Variants in TJP1 observed in about 807,000 individuals in gnomAD.
The protein encoded by TJP1 is tight junction protein ZO-1.
A neutral mutation model predicts 194.2 loss-of-function variants in TJP1; 43 were observed. The ratio of observed to expected loss-of-function variants is 0.22; its 90% CI spans 0.17 to 0.29. The LOEUF (loss-of-function observed/expected upper bound fraction) is 0.29. TJP1 is among the 10% of genes least tolerant of loss of function. The probability of loss-of-function intolerance (pLI) is 1.00; values close to 1 mark genes in which losing one functional copy is unlikely to be tolerated. For missense variants in TJP1, 1,971 were observed against 2,185.7 expected, an observed-to-expected ratio of 0.90 and a Z score of 1.96; for synonymous variants, 801 against 779.0, an observed-to-expected ratio of 1.03 and a Z score of -0.47.
chr15:29,881,400 C>T (rs2052923685), intron 2 of TJP1, among the ~76,000 whole-genome samples: 1 of 152,174 alleles, frequency 6.6e-6, no homozygotes, highest in African/African-American at 2.4e-5. Context: ...TGTAGGCTGC[C>T]TTTTCACACT....
At chr15:29,731,755 G>C (rs1233741692) in intron 15 of TJP1, among the ~76,000 whole-genome samples, 1 of 151,364 alleles carries the variant, frequency 6.6e-6, no homozygotes, top group Non-Finnish European at 1.5e-5. Flanking sequence ...GAAATACCAT[G>C]ATTGTTTATG....
At chr15:29,885,373 A>G (rs892074713) in intron 2 of TJP1, among the ~76,000 whole-genome samples, 2 of 152,202 alleles carry the variant, frequency 1.3e-5, no homozygotes, top group African/African-American at 4.8e-5. Context: ...ACATGGAGAT[A>G]GTATCTGGGA....
chr15:29,893,947 C>T (rs1261684528), intron 2 of TJP1, among the ~76,000 whole-genome samples: 2 of 152,146 alleles, frequency 1.3e-5, no homozygotes, highest in African/African-American at 4.8e-5. Context: ...CTCTTTGCTG[C>T]CCTGTGTTTT....
At chr15:29,772,197 T>TA (rs1298886784) in intron 3 of TJP1, 31 bp from the exon 4 acceptor site, 3 of 1,353,966 alleles carry the variant, frequency 2.2e-6, no homozygotes, top group Non-Finnish European at 3.1e-6. Flanking sequence ...AATAATATGT[T>TA]AGAGAAAAAC....
chr15:29,922,393 G>T (rs1487346862), intron 2 of TJP1, among the ~76,000 whole-genome samples: 1 of 137,008 alleles, frequency 7.3e-6, no homozygotes, highest in East Asian at 2.5e-4. Context: ...TAATGCAAAG[G>T]TCAGCTAAAG....
intron 17 of TJP1, 49 bp downstream of exon 17, chr15:29,726,732 G>A: frequency 6.4e-7 from 1 of 1,563,136 alleles, no homozygotes; most frequent in Non-Finnish European, 8.8e-7. Flanking sequence ...CCTACTTAAT[G>A]TTGCCCAGAC....
intron 20 of TJP1, 74 bp downstream of exon 20, chr15:29,719,703 A>C (rs1212315112): frequency 6.4e-7 from 1 of 1,552,336 alleles, no homozygotes; most frequent in East Asian, 2.3e-5. Flanking sequence ...GAACACTTAA[A>C]GGGCAAAGCA....
intron 2 of TJP1, among the ~76,000 whole-genome samples, chr15:29,927,524 A>G (rs549043944): frequency 6.6e-6 from 1 of 152,282 alleles, no homozygotes; most frequent in African/African-American, 2.4e-5. Context: ...ATACTGGAGG[A>G]ATTTAGATTC....
intron 10 of TJP1, among the ~76,000 whole-genome samples, chr15:29,740,328 A>G (rs1044537893): frequency 2.0e-5 from 3 of 152,116 alleles, no homozygotes; most frequent in Non-Finnish European, 4.4e-5. Context: ...ACCAGTGCCA[A>G]TAAAAAACTA....
In TJP1 at chr15:29,729,754, A is replaced by C. The variant is rs1029811471; in HGVS notation, c.2018-1735T>G. On this transcript the variant is annotated intron_variant, in intron 15 of 27. Transcript: ENST00000614355. Reference sequence around the variant, plus strand: ...AGAATGGCATGAACCCAGGAGGTGAAACTTGGAGCCTGGATCTGAGATCGT... The same window carrying C: ...AGAATGGCATGAACCCAGGAGGTGACACTTGGAGCCTGGATCTGAGATCGT... Among the ~76,000 whole-genome samples the C allele has an allele frequency of 5.9e-4, 89 of 151,838 alleles. 1 individual carries two copies. Among genetic ancestry groups the C allele is most frequent in the Middle Eastern group, 3.4e-3 (1 of 294 alleles).
rs535787854 is a variant in TJP1, at chr15:29,704,175, G to C, written c.5199C>G (p.Ser1733=). 29 of 1,561,692 alleles carry C rather than the reference G, an allele frequency of 1.9e-5. No homozygotes were observed. The highest frequency in any genetic ancestry group is 2.3e-5 in the Non-Finnish European group (27 of 1,151,880). The change falls in exon 27 of 28, where the codon TCC becomes TCG. Residue 1733 remains serine, a synonymous_variant. Coordinates refer to ENST00000614355, the MANE Select transcript of TJP1 (RefSeq NM_001330239.4). ...AAGACAGCATACCCGACGAGGAGTC[G>C]GATGATTTTAGAGCAAAAGACCAAC... is the stretch of plus-strand genomic sequence containing the variant. ...PDGWSFALKS[S]DSSSGDPKTW... is the part of the protein sequence containing the mutation.
intron 2 of TJP1, among the ~76,000 whole-genome samples, chr15:29,883,180 A>G (rs980933788): frequency 6.6e-6 from 1 of 152,128 alleles, no homozygotes; most frequent in Non-Finnish European, 1.5e-5. Flanking sequence ...TCCTCCAACT[A>G]TTGTCAAAGA....
chr15:29,930,813 A>G (rs1024638677), intron 2 of TJP1, among the ~76,000 whole-genome samples: 1 of 152,260 alleles, frequency 6.6e-6, no homozygotes, highest in African/African-American at 2.4e-5. Context: ...AGGAAAGTCT[A>G]CACAGAATAA....
intron 2 of TJP1, among the ~76,000 whole-genome samples, chr15:29,851,383 T>G (rs2051636234): frequency 6.6e-6 from 1 of 151,274 alleles, no homozygotes; most frequent in Non-Finnish European, 1.5e-5. Flanking sequence ...TCAGAAGAAA[T>G]GGGCAAATAC....
chr15:29,717,423 A>G (rs1477458650), intron 22 of TJP1, among the ~76,000 whole-genome samples: 1 of 152,262 alleles, frequency 6.6e-6, no homozygotes, highest in Non-Finnish European at 1.5e-5. Context: ...AGCTGTATTC[A>G]AATCTAATCT....
chr15:29,881,060 C>T lies in TJP1; in HGVS notation c.306+75172G>A, dbSNP rs547337853. Among the ~76,000 whole-genome samples, 7 of 152,288 alleles carry T rather than the reference C, an allele frequency of 4.6e-5. No individual in the cohort carries two copies. The South Asian group carries it at 1.2e-3, about 27-fold the overall frequency. ...ATTTTACACTCCCACCAACAGTGCA[C>T]AATGCAAGGGCTCCCTTTTCTCCTC... On this transcript the variant is annotated intron_variant, in intron 2 of 28. Transcript: ENST00000356107.
intron 2 of TJP1, among the ~76,000 whole-genome samples, chr15:29,798,010 G>C (rs1295666990): frequency 6.6e-6 from 1 of 152,334 alleles, no homozygotes; most frequent in African/African-American, 2.4e-5. Context: ...GTCTTGCTCT[G>C]TTGCCCAGGA....
At chr15:29,809,153 A>G (rs2049317730) in intron 1 of TJP1, among the ~76,000 whole-genome samples, 1 of 152,252 alleles carries the variant, frequency 6.6e-6, no homozygotes, top group South Asian at 2.1e-4. Flanking sequence ...GAGACTGAAT[A>G]TGGAAAATAA....
At chr15:29,832,534 T>C (rs79388100) in intron 2 of TJP1, among the ~76,000 whole-genome samples, 1 of 152,196 alleles carries the variant, frequency 6.6e-6, no homozygotes, top group Non-Finnish European at 1.5e-5. Flanking sequence ...ACTATACACA[T>C]ATGCAGAAAA....
Sources: gnomAD v4.1 joint callset for allele counts (sites outside exome capture counted in the v4.1 genomes callset) on GRCh38, gnomAD v4.1.1 for gene constraint, MANE v1.5 for transcripts, NCBI Gene and HGNC (gene_info 2026-07-23, HGNC 2026-07-21) for gene names.